Variants in ZSWIM6 observed in about 807,000 individuals in gnomAD.
The protein encoded by ZSWIM6 is zinc finger SWIM domain-containing protein 6.
ZSWIM6 carries 9 observed loss-of-function variants against 113.2 expected under a neutral mutation model. The ratio of observed to expected loss-of-function variants is 0.08; its 90% CI spans 0.05 to 0.14. The LOEUF is 0.14. Ranked by LOEUF, ZSWIM6 falls within the 10% of genes least tolerant of loss-of-function variation. ZSWIM6 has a pLI of 1.00. For synonymous variants in ZSWIM6, 611 were observed against 606.5 expected (o/e 1.01, Z -0.11); for missense variants, 1,162 against 1,552.2 (o/e 0.75, Z 4.22).
In ZSWIM6 at chr5:61,472,590, T is replaced by A. The variant is rs1022397830; in HGVS notation, c.677-91T>A. 2.9e-6 allele frequency: 3 copies of A among 1,023,392 alleles called. No homozygotes were observed. Among genetic ancestry groups the A allele is most frequent in the Non-Finnish European group, 4.1e-6 (3 of 738,092 alleles). The allele number at this position is 1,023,392 out of a possible 1,614,324, so 63.4% of individuals were successfully genotyped here. A position where few individuals can be genotyped will look rare whatever the true frequency, so the allele number is the denominator to read the frequency against. On this transcript the variant is annotated intron_variant, in intron 1 of 13. Transcript: ENST00000252744. This position sits in a 1 kb window ranked among gnomAD's most constrained non-coding sequence, Gnocchi z 4.1. ...GGCTGTCATATTTTTTTCTTGCTGC[T>A]GTCAAGTCCCACACATTTCAAAGAA... is the stretch of plus-strand genomic sequence containing the variant.
chr5:61,403,466 T>C (rs1470267444), intron 1 of ZSWIM6, among the ~76,000 whole-genome samples: 1 of 152,238 alleles, frequency 6.6e-6, no homozygotes, highest in Non-Finnish European at 1.5e-5. Context: ...AGGAAAATTC[T>C]AATCCATATG....
chr5:61,351,766 C>T (rs1744790125), intron 1 of ZSWIM6, among the ~76,000 whole-genome samples: 1 of 152,130 alleles, frequency 6.6e-6, no homozygotes, highest in Admixed American at 6.5e-5. Context: ...TCAAGCATTT[C>T]CCCCCTTTCT....
chr5:61,514,209 A>T (rs1748870810), intron 4 of ZSWIM6, among the ~76,000 whole-genome samples: 1 of 151,534 alleles, frequency 6.6e-6, no homozygotes, highest in Non-Finnish European at 1.5e-5. Flanking sequence ...TTTGTGGGTA[A>T]GTTTTGATTT....
In ZSWIM6 at chr5:61,544,467, C is replaced by CA. The variant is rs1749831892; in HGVS notation, c.*151dup. 1.7e-5 allele frequency: 7 copies of CA among 406,756 alleles called. No homozygotes were observed. The South Asian group carries it at 6.5e-4, about 38-fold the overall frequency. The allele number at this position is 406,756 out of a possible 1,614,324, so 25.2% of individuals were successfully genotyped here. A position where few individuals can be genotyped will look rare whatever the true frequency, so the allele number is the denominator to read the frequency against. On this transcript the variant is annotated 3_prime_UTR_variant, in exon 14 of 14. Coordinates refer to ENST00000252744, the MANE Select transcript of ZSWIM6 (RefSeq NM_020928.2). ...ATATTGCGTTTGCAGACTAAATTGTCATGTTGTGAAAGTTTGTGTGTTTTT... is the reference window on the plus strand; with the variant it reads ...ATATTGCGTTTGCAGACTAAATTGTCAATGTTGTGAAAGTTTGTGTGTTTTT...
intron 1 of ZSWIM6, among the ~76,000 whole-genome samples, chr5:61,408,221 G>A (rs1165950641): frequency 6.6e-6 from 1 of 152,192 alleles, no homozygotes; most frequent in Non-Finnish European, 1.5e-5. Flanking sequence ...ATTTCCTTAT[G>A]TATCACTAAA....
chr5:61,420,687 G>T (rs912285422), intron 1 of ZSWIM6, among the ~76,000 whole-genome samples: 1 of 151,936 alleles, frequency 6.6e-6, no homozygotes, highest in Non-Finnish European at 1.5e-5. Flanking sequence ...ATTTTTGTGG[G>T]TACATAGTGA....
intron 1 of ZSWIM6, among the ~76,000 whole-genome samples, chr5:61,338,061 C>T (rs964485585): frequency 3.3e-5 from 5 of 151,850 alleles, no homozygotes; most frequent in African/African-American, 1.2e-4. Context: ...GCCTATTTTT[C>T]TATTTACTTT....
rs187854961 is a variant in ZSWIM6 at position 61,532,244 on chromosome 5, A to T, written c.2245+519A>T. ...CTGCACCAACTAGTTATTTCAGAGG[A>T]TTCATTAGGCACAGATTCATCAAGG... is the stretch of plus-strand genomic sequence containing the variant. On this transcript the variant is annotated intron_variant, in intron 9 of 13. Coordinates refer to ENST00000252744, the MANE Select transcript of ZSWIM6 (RefSeq NM_020928.2). Among the ~76,000 whole-genome samples, 528 of 152,296 alleles carry T rather than the reference A, an allele frequency of 3.5e-3. 4 individuals are homozygous for T. The highest frequency in any genetic ancestry group is 0.024 in the Admixed American group (370 of 15,294).
At chr5:61,466,572 TA>T (rs575293115) in intron 1 of ZSWIM6, among the ~76,000 whole-genome samples, 11 of 152,218 alleles carry the variant, frequency 7.2e-5, no homozygotes, top group Non-Finnish European at 1.3e-4. Context: ...ACAGGGCGCA[TA>T]TTTTTTTGGA....
At chr5:61,413,007 T>C (rs1210575247) in intron 1 of ZSWIM6, among the ~76,000 whole-genome samples, 1 of 151,732 alleles carries the variant, frequency 6.6e-6, no homozygotes, top group Non-Finnish European at 1.5e-5. Flanking sequence ...TCTTTTTTTT[T>C]CCTTATTTTT....
At chr5:61,541,065 C>T (rs555371994) in intron 12 of ZSWIM6, among the ~76,000 whole-genome samples, 1 of 151,762 alleles carries the variant, frequency 6.6e-6, no homozygotes, top group South Asian at 2.1e-4. Flanking sequence ...TACTTCAGCC[C>T]CCTGAGTAGC....
At chr5:61,503,573 C>T (rs1290540255) in intron 4 of ZSWIM6, among the ~76,000 whole-genome samples, 2 of 152,120 alleles carry the variant, frequency 1.3e-5, no homozygotes, top group Non-Finnish European at 1.5e-5. Flanking sequence ...CCAAACAGGG[C>T]ACTTGGGTCA....
chr5:61,348,745 C>T (rs1170582530), intron 1 of ZSWIM6, among the ~76,000 whole-genome samples: 2 of 152,142 alleles, frequency 1.3e-5, no homozygotes, highest in Non-Finnish European at 2.9e-5. Flanking sequence ...AATCCTAAAA[C>T]ATTCTATGTC....
intron 1 of ZSWIM6, among the ~76,000 whole-genome samples, chr5:61,372,845 G>A (rs756065286): frequency 4.6e-5 from 7 of 151,960 alleles, no homozygotes; most frequent in African/African-American, 9.6e-5. Context: ...AATTAGCAGC[G>A]TCTTATCATT....
At chr5:61,380,767 G>A (rs35704054) in intron 1 of ZSWIM6, among the ~76,000 whole-genome samples, 1 of 152,078 alleles carries the variant, frequency 6.6e-6, no homozygotes, top group African/African-American at 2.4e-5. Flanking sequence ...TTATGCCAGA[G>A]ATTGCTAACC....
At chr5:61,414,297 GA>G (rs1412058719) in intron 1 of ZSWIM6, among the ~76,000 whole-genome samples, 1 of 151,616 alleles carries the variant, frequency 6.6e-6, no homozygotes, top group African/African-American at 2.4e-5. Context: ...ATGGGATGGG[GA>G]AAAAAAAGAA....
At chr5:61,463,875 A>G (rs1174065918) in intron 1 of ZSWIM6, among the ~76,000 whole-genome samples, 2 of 152,134 alleles carry the variant, frequency 1.3e-5, no homozygotes, top group African/African-American at 2.4e-5. Flanking sequence ...CTATTCTAAG[A>G]ACTGTGCTGG....
intron 1 of ZSWIM6, among the ~76,000 whole-genome samples, chr5:61,386,096 G>A (rs1745587653): frequency 6.6e-6 from 1 of 152,180 alleles, no homozygotes; most frequent in African/African-American, 2.4e-5. Context: ...TACTAATTAG[G>A]AACACATTTC....
Position 61,530,174 on chromosome 5 carries a change from C to G in ZSWIM6, c.1960C>G (p.Leu654Val). Residue 654 changes from leucine to valine, a missense_variant, in exon 8 of 14, where the codon CTC becomes GTC. Leu to Val is a conservative substitution (Grantham distance 32, BLOSUM62 1). Coordinates refer to ENST00000252744, the MANE Select transcript of ZSWIM6 (RefSeq NM_020928.2). ...MEACRIDDEN[L>V]SGFSDFTENM... ...AGCCTGCCGCATTGATGATGAGAAC[C>G]TCTCTGGGTTCTCAGATTTTACAGG... The G allele has an allele frequency of 4.5e-6, 7 of 1,551,278 alleles. No individual in the cohort carries two copies. The highest frequency in any genetic ancestry group is 5.2e-6 in the Non-Finnish European group (6 of 1,146,666).
Sources: gnomAD v4.1 joint callset for allele counts (sites outside exome capture counted in the v4.1 genomes callset) on GRCh38, gnomAD v4.1.1 for gene constraint, Gnocchi (gnomAD v3.1) non-coding constraint, MANE v1.5 for transcripts, NCBI Gene and HGNC (gene_info 2026-07-23, HGNC 2026-07-21) for gene names.